ZMYM4: variants seen among roughly 807,000 people sequenced by gnomAD.
The protein encoded by ZMYM4 is zinc finger MYM-type protein 4.
A neutral mutation model predicts 183.2 loss-of-function variants in ZMYM4; 31 were observed. The observed-to-expected ratio is 0.17, with a 90% confidence interval of 0.13 to 0.23. ZMYM4 has a LOEUF of 0.23. ZMYM4 is among the 10% of genes least tolerant of loss of function. The probability of loss-of-function intolerance (pLI) is 1.00; values close to 1 mark genes in which losing one functional copy is unlikely to be tolerated. For synonymous variants in ZMYM4, 592 were observed against 631.2 expected (o/e 0.94, Z 0.93); for missense variants, 1,273 against 1,840.3 (o/e 0.69, Z 5.64).
At chr1:35,390,883 C>T (rs981859188) in intron 15 of ZMYM4, among the ~76,000 whole-genome samples, 2 of 152,106 alleles carry the variant, frequency 1.3e-5, no homozygotes, top group Non-Finnish European at 2.9e-5. Context: ...ATACCATGTG[C>T]AGGCCAGATG....
chr1:35,387,296 CATG>C lies in ZMYM4; in HGVS notation c.2112+21_2112+23del, dbSNP rs1242607715. The C allele has an allele frequency of 1.2e-6, 2 of 1,608,382 alleles. No homozygotes were observed. Among genetic ancestry groups the C allele is most frequent in the African/African-American group, 2.7e-5 (2 of 74,790 alleles). ...ACTATAAGGTAAAGTATAGCATGTT[CATG>C]ATAAGATTTTGAGTATACGTGGGTC... is the stretch of plus-strand genomic sequence containing the variant. On this transcript the variant is annotated intron_variant, in intron 12 of 29. Transcript: ENST00000314607.
intron 23 of ZMYM4, among the ~76,000 whole-genome samples, chr1:35,402,083 A>G (rs533009325): frequency 2.2e-4 from 33 of 150,404 alleles, no homozygotes; most frequent in Admixed American, 1.2e-3. Flanking sequence ...TTGCATGTCT[A>G]TATACATTTT....
chr1:35,309,379 G>C (rs1273921002), intron 1 of ZMYM4, among the ~76,000 whole-genome samples: 1 of 152,114 alleles, frequency 6.6e-6, no homozygotes, highest in Non-Finnish European at 1.5e-5. Context: ...TTTAAATTGT[G>C]CTGGGCATTG....
chr1:35,342,776 TC>T (rs910236183), intron 2 of ZMYM4, among the ~76,000 whole-genome samples: 3 of 151,610 alleles, frequency 2.0e-5, no homozygotes, highest in African/African-American at 7.3e-5. Context: ...GCTCAGGTGA[TC>T]CTCCCACCTC....
At chr1:35,393,280 G>A (rs532995542) in intron 17 of ZMYM4, among the ~76,000 whole-genome samples, 5 of 152,164 alleles carry the variant, frequency 3.3e-5, no homozygotes, top group Admixed American at 6.5e-5. Flanking sequence ...TCTTAATCAG[G>A]AAGTAAGAAT....
intron 9 of ZMYM4, among the ~76,000 whole-genome samples, chr1:35,383,294 T>G (rs1038645150): frequency 6.6e-6 from 1 of 152,128 alleles, no homozygotes; most frequent in East Asian, 1.9e-4. Flanking sequence ...ATGGGGTAAG[T>G]ACTTTTAATA....
chr1:35,385,133 C>T (rs112116250), intron 9 of ZMYM4, among the ~76,000 whole-genome samples: 2,667 of 152,316 alleles, frequency 0.018, 73 homozygotes, highest in African/African-American at 0.06. Flanking sequence ...GGGTGAGCCA[C>T]TACGCCTGGC....
Position 35,397,465 on chromosome 1 carries a change from C to T in ZMYM4, c.3119C>T (p.Thr1040Ile). ...SIEDIKEKLP[T>I]HPFEADLLEM... is the part of the protein sequence containing the mutation. ...GAAGACATTAAAGAAAAGCTTCCCA[C>T]ACATCCATTTGAAGCTGATCTCCTT... Residue 1040 changes from threonine to isoleucine, a missense_variant, in exon 20 of 30, where the codon ACA becomes ATA. By Grantham distance (89) the Thr-to-Ile change is moderately conservative. Coordinates refer to ENST00000314607, the MANE Select transcript of ZMYM4 (RefSeq NM_005095.3). 6.2e-7 allele frequency: 1 copy of T among 1,613,372 alleles called. No homozygotes were observed. Among genetic ancestry groups the T allele is most frequent in the Non-Finnish European group, 8.5e-7 (1 of 1,179,616 alleles).
intron 2 of ZMYM4, among the ~76,000 whole-genome samples, chr1:35,351,873 T>A (rs1270315127): frequency 6.6e-6 from 1 of 152,232 alleles, no homozygotes; most frequent in Non-Finnish European, 1.5e-5. Flanking sequence ...CGGTTGACTT[T>A]ACCTCGAAGT....
At chr1:35,333,296 T>C (rs560220652) in intron 2 of ZMYM4, among the ~76,000 whole-genome samples, 7 of 149,046 alleles carry the variant, frequency 4.7e-5, no homozygotes, top group African/African-American at 1.7e-4. Context: ...CTTGCTCTGT[T>C]GCCCAGGTTG....
chr1:35,367,733 T>C (rs1644120592), intron 5 of ZMYM4, among the ~76,000 whole-genome samples: 1 of 151,986 alleles, frequency 6.6e-6, no homozygotes, highest in Non-Finnish European at 1.5e-5. Flanking sequence ...TCCCAGCACT[T>C]TGGGAGGTTG....
chr1:35,420,984 TCA>T lies in ZMYM4; in HGVS notation c.*1308_*1309del, dbSNP rs1640306267. 6.6e-6 allele frequency: 1 copy of T among 152,280 alleles called. No homozygotes were observed. The highest frequency in any genetic ancestry group is 2.1e-4 in the South Asian group (1 of 4,836). The allele number at this position is 152,280 out of a possible 1,614,324, so 9.4% of individuals were successfully genotyped here. On this transcript the variant is annotated 3_prime_UTR_variant, in exon 30 of 30. Transcript: ENST00000314607. ...CAGTCCATCTCCCTCATCTCCATTC[TCA>T]GTTTCTTCCCCACAAAATTTGGAAT... is the stretch of plus-strand genomic sequence containing the variant.
At chr1:35,334,243 C>G (rs1439522077) in intron 2 of ZMYM4, among the ~76,000 whole-genome samples, 2 of 152,010 alleles carry the variant, frequency 1.3e-5, no homozygotes, top group African/African-American at 4.8e-5. Context: ...TGCTTGAGCC[C>G]GGGAGTTCGA....
chr1:35,418,047 C>T (rs1640192185), intron 28 of ZMYM4, among the ~76,000 whole-genome samples: 1 of 151,966 alleles, frequency 6.6e-6, no homozygotes, highest in South Asian at 2.1e-4. Context: ...GTCTTGATCT[C>T]TACTGTAGGA....
chr1:35,392,417 C>T, intron 16 of ZMYM4, 65 bp downstream of exon 16: 1 of 1,550,120 alleles, frequency 6.5e-7, no homozygotes, highest in Non-Finnish European at 8.7e-7. Flanking sequence ...CCCCTAACTT[C>T]CTTTCATCAG....
At chr1:35,295,234 A>G (rs58668071) in intron 1 of ZMYM4, among the ~76,000 whole-genome samples, 9,475 of 152,242 alleles carry the variant, frequency 0.062, 744 homozygotes, top group African/African-American at 0.18. Flanking sequence ...GGGTATTGCA[A>G]TTCTGAACAG....
chr1:35,290,046 C>A (rs1241776375), intron 1 of ZMYM4, among the ~76,000 whole-genome samples: 1 of 152,074 alleles, frequency 6.6e-6, no homozygotes, highest in Non-Finnish European at 1.5e-5. Flanking sequence ...CAACTCACTG[C>A]AGCCCCTGGC....
intron 2 of ZMYM4, among the ~76,000 whole-genome samples, chr1:35,326,577 A>G (rs74448227): frequency 0.018 from 2,802 of 152,174 alleles, 80 homozygotes; most frequent in African/African-American, 0.063. Context: ...TCATTTTCCA[A>G]TCCCCTTATT....
chr1:35,367,024 CA>C (rs1213113614), intron 5 of ZMYM4, among the ~76,000 whole-genome samples: 5,112 of 82,842 alleles, frequency 0.062, 242 homozygotes, highest in East Asian at 0.26. Flanking sequence ...AACTCCATCT[CA>C]AAAAAAAAAA....
Sources: gnomAD v4.1 joint callset for allele counts (sites outside exome capture counted in the v4.1 genomes callset) on GRCh38, gnomAD v4.1.1 for gene constraint, MANE v1.5 for transcripts, NCBI Gene and HGNC (gene_info 2026-07-23, HGNC 2026-07-21) for gene names.